Variants in MMP26 observed in about 807,000 individuals in gnomAD.
MMP26 encodes the protein matrix metallopeptidase 26.
MMP26 carries 33 observed loss-of-function variants against 31.0 expected under a neutral mutation model. That is an observed-to-expected ratio of 1.06 (90% CI 0.81 to 1.42). MMP26 has a LOEUF of 1.42. MMP26 is among the 40% of genes most tolerant of loss of function. MMP26 has a pLI of 0.00. For missense variants in MMP26, 347 were observed against 316.1 expected, an observed-to-expected ratio of 1.10 and a Z score of -0.74; for synonymous variants, 122 against 114.9, an observed-to-expected ratio of 1.06 and a Z score of -0.40.
At chr11:4,881,388 C>T (rs1374448116) in intron 2 of MMP26, among the ~76,000 whole-genome samples, 2 of 152,104 alleles carry the variant, frequency 1.3e-5, no homozygotes, top group Non-Finnish European at 2.9e-5. Flanking sequence ...ATGCCCTCTG[C>T]ATTCATCTGC....
intron 2 of MMP26, chr11:4,859,470 A>G (rs1589921704): frequency 8.5e-6 from 3 of 351,040 alleles, no homozygotes; most frequent in East Asian, 7.4e-5. Flanking sequence ...ATGACCTGTT[A>G]TGTATCTTCA....
At chr11:4,964,924 G>T (rs1162412075) in intron 2 of MMP26, among the ~76,000 whole-genome samples, 2 of 152,152 alleles carry the variant, frequency 1.3e-5, no homozygotes, top group Non-Finnish European at 2.9e-5. Flanking sequence ...TTGGAGAGTT[G>T]GGGGTTGAGA....
intron 3 of MMP26, among the ~76,000 whole-genome samples, chr11:4,989,098 A>ATG (rs1168071727): frequency 6.6e-6 from 1 of 152,228 alleles, no homozygotes; most frequent in Non-Finnish European, 1.5e-5. Context: ...TTACAATACA[A>ATG]TGTGCTTTTT....
intron 6 of MMP26, 152 bp downstream of exon 6, chr11:4,991,648 T>G: frequency 1.0e-6 from 1 of 987,562 alleles, no homozygotes; most frequent in Non-Finnish European, 1.5e-6. Flanking sequence ...AGATGTGGGA[T>G]CATTTCTGAA....
intron 2 of MMP26, among the ~76,000 whole-genome samples, chr11:4,810,235 AT>A (rs57113568): frequency 0.42 from 62,243 of 149,366 alleles, 14,045 homozygotes; most frequent in South Asian, 0.57. Flanking sequence ...GTATGCATGT[AT>A]TTTTTTTTTT....
chr11:4,981,431 G>GT (rs747418344), intron 2 of MMP26, among the ~76,000 whole-genome samples: 1 of 152,056 alleles, frequency 6.6e-6, no homozygotes, highest in Non-Finnish European at 1.5e-5. Flanking sequence ...ATAGACAATT[G>GT]TAACACAATA....
chr11:4,823,792 C>T (rs1849544364), intron 2 of MMP26, among the ~76,000 whole-genome samples: 1 of 152,062 alleles, frequency 6.6e-6, no homozygotes, highest in Non-Finnish European at 1.5e-5. Context: ...GTATATTATC[C>T]TCAATTATGT....
chr11:4,771,130 G>T (rs1391942426), intron 2 of MMP26, among the ~76,000 whole-genome samples: 1 of 152,150 alleles, frequency 6.6e-6, no homozygotes, highest in South Asian at 2.1e-4. Context: ...GAGAATTTTT[G>T]CAAGATGGGA....
chr11:4,838,345 A>G lies in MMP26; in HGVS notation c.-145+71004A>G, dbSNP rs1013000405. The stretch of plus-strand genomic sequence containing the variant: ...AAAAAAAAAAAAAAAAAAAAAAAAA[A>G]AAAAAAAAAAAGTATGATATGAATT... On this transcript the variant is annotated intron_variant, in intron 2 of 7. Coordinates refer to ENST00000380390, the MANE Select transcript of MMP26 (RefSeq NM_021801.5). 4.8e-3 allele frequency among the ~76,000 whole-genome samples: 699 copies of G among 144,388 alleles called. 15 individuals carry two copies. Among genetic ancestry groups the G allele is most frequent in the African/African-American group, 0.017 (652 of 37,360 alleles). 94.7% of individuals were successfully genotyped at this position (144,388 alleles called of 152,430 possible).
intron 2 of MMP26, among the ~76,000 whole-genome samples, chr11:4,959,861 T>C (rs145151624): frequency 6.6e-6 from 1 of 152,302 alleles, no homozygotes; most frequent in East Asian, 1.9e-4. Context: ...TTGAATGTGT[T>C]TGTGCCTGTG....
intron 2 of MMP26, chr11:4,804,014 G>A (rs1288178263): frequency 1.2e-6 from 2 of 1,613,922 alleles, no homozygotes. Flanking sequence ...TAGCAGTCCA[G>A]GGCCATAGCC....
intron 2 of MMP26, among the ~76,000 whole-genome samples, chr11:4,965,919 A>G (rs569690178): frequency 3.3e-5 from 5 of 152,306 alleles, no homozygotes; most frequent in African/African-American, 1.2e-4. Context: ...AAGTAGTTGT[A>G]GCATTTGCCA....
intron 2 of MMP26, among the ~76,000 whole-genome samples, chr11:4,868,735 A>G (rs149150245): frequency 0.096 from 14,575 of 152,240 alleles, 898 homozygotes; most frequent in Middle Eastern, 0.19. Flanking sequence ...TTCATATGGA[A>G]CCAAAAAAGA....
At chr11:4,764,667 C>G (rs899607996) in intron 1 of MMP26, among the ~76,000 whole-genome samples, 4 of 152,158 alleles carry the variant, frequency 2.6e-5, no homozygotes, top group East Asian at 1.9e-4. Context: ...TCAGGAGATC[C>G]AGACCATCTT....
At chr11:4,830,560 TG>T (rs1369035614) in intron 2 of MMP26, among the ~76,000 whole-genome samples, 1 of 152,182 alleles carries the variant, frequency 6.6e-6, no homozygotes, top group Non-Finnish European at 1.5e-5. Flanking sequence ...CCCTCAGGCA[TG>T]AAACCTTGGG....
At chr11:4,729,998 T>TTTTTTTTTTTTTTTTTTTTGAGACGGA (rs1372068573) in intron 1 of MMP26, among the ~76,000 whole-genome samples, 1 of 151,802 alleles carries the variant, frequency 6.6e-6, no homozygotes, top group Non-Finnish European at 1.5e-5. Flanking sequence ...CCCTCATTTT[T>TTTTTTTTTTTTTTTTTTTTGAGACGGA]GTAGCTGGTC....
At position 4,710,714 on chromosome 11, in the gene MMP26, C is replaced by A. The variant is rs190755763; in HGVS notation, c.-217+5669C>A. 8.6e-5 allele frequency: 28 copies of A among 325,140 alleles called. No individual in the cohort carries two copies. In the Admixed American group the frequency reaches 8.8e-4, roughly 10 times the overall value. 20.1% of individuals were successfully genotyped at this position (325,140 alleles called of 1,614,324 possible). On this transcript the variant is annotated intron_variant, in intron 1 of 7. Transcript: ENST00000380390. ...AGAGATTATGTCGGTACTTCTGATCCTTTCATGAATACTGAACCTAGCACA... is the reference window on the plus strand; with the variant it reads ...AGAGATTATGTCGGTACTTCTGATCATTTCATGAATACTGAACCTAGCACA...
At chr11:4,835,509 C>G (rs180927434) in intron 2 of MMP26, among the ~76,000 whole-genome samples, 69 of 152,212 alleles carry the variant, frequency 4.5e-4, no homozygotes, top group Middle Eastern at 3.4e-3. Context: ...TTAATAACAA[C>G]CACTATGTGG....
At chr11:4,968,726 T>G (rs1258383346) in intron 2 of MMP26, among the ~76,000 whole-genome samples, 1 of 151,948 alleles carries the variant, frequency 6.6e-6, no homozygotes, top group South Asian at 2.1e-4. Flanking sequence ...TTGTCTTGCA[T>G]CTGTATAATT....
Sources: gnomAD v4.1 joint callset for allele counts (sites outside exome capture counted in the v4.1 genomes callset) on GRCh38, gnomAD v4.1.1 for gene constraint, MANE v1.5 for transcripts, NCBI Gene and HGNC (gene_info 2026-07-23, HGNC 2026-07-21) for gene names.